ARIH2: variants seen among roughly 807,000 people sequenced by gnomAD.
The protein encoded by ARIH2 is ariadne RBR E3 ubiquitin protein ligase 2, also known as E3 ubiquitin-protein ligase ARIH2.
A neutral mutation model predicts 79.8 loss-of-function variants in ARIH2; 12 were observed. The ratio of observed to expected loss-of-function variants is 0.15; its 90% CI spans 0.10 to 0.24. ARIH2 has a LOEUF of 0.24. ARIH2 is among the 10% of genes least tolerant of loss of function. The pLI is 1.00. For synonymous variants in ARIH2, 224 were observed against 213.9 expected, an observed-to-expected ratio of 1.05 and a Z score of -0.41; for missense variants, 301 against 618.3, an observed-to-expected ratio of 0.49 and a Z score of 5.44.
At chr3:48,930,443 A>C (rs2086214980) in intron 3 of ARIH2, among the ~76,000 whole-genome samples, 1 of 152,092 alleles carries the variant, frequency 6.6e-6, no homozygotes, top group Admixed American at 6.6e-5. Flanking sequence ...GATTGCCCCC[A>C]CTATACTCCA....
intron 3 of ARIH2, among the ~76,000 whole-genome samples, chr3:48,952,650 CGT>C (rs938105758): frequency 2.0e-5 from 3 of 151,948 alleles, no homozygotes; most frequent in African/African-American, 7.3e-5. Context: ...AAGAGTGAGA[CGT>C]GGAGGAAAAG....
chr3:48,959,228 A>G lies in ARIH2; in HGVS notation c.256-2384A>G, dbSNP rs185278037. Among the ~76,000 whole-genome samples, 6 of 149,956 alleles carry G rather than the reference A, an allele frequency of 4.0e-5. No individual in the cohort carries two copies. The East Asian group carries it at 1.2e-3, about 30-fold the overall frequency. On this transcript the variant is annotated intron_variant, in intron 3 of 15. Transcript: ENST00000356401. ...CTACTAGGGAGGCGGAGGCAGGAGAATGGCGTGAACCCGGGAGGTGGAGCT... is the reference window on the plus strand; with the variant it reads ...CTACTAGGGAGGCGGAGGCAGGAGAGTGGCGTGAACCCGGGAGGTGGAGCT...
At chr3:48,979,079 G>C (rs900821684) in intron 11 of ARIH2, among the ~76,000 whole-genome samples, 4 of 152,190 alleles carry the variant, frequency 2.6e-5, no homozygotes, top group Non-Finnish European at 5.9e-5. Flanking sequence ...GTGAGGGTAG[G>C]AAGCAGTAGG....
At chr3:48,970,354 G>C (rs1040851528) in intron 7 of ARIH2, among the ~76,000 whole-genome samples, 1 of 152,142 alleles carries the variant, frequency 6.6e-6, no homozygotes, top group African/African-American at 2.4e-5. Flanking sequence ...ACTATGCCTG[G>C]TGCAATTCTA....
At chr3:48,932,318 A>G (rs1430400370) in intron 3 of ARIH2, among the ~76,000 whole-genome samples, 1 of 152,234 alleles carries the variant, frequency 6.6e-6, no homozygotes, top group Non-Finnish European at 1.5e-5. Flanking sequence ...AATGATTGCC[A>G]AGTGAGGTGT....
At chr3:48,979,889 G>A in intron 12 of ARIH2, 1 of 380,356 alleles carries the variant, frequency 2.6e-6, no homozygotes, top group Non-Finnish European at 4.7e-6. Flanking sequence ...AGGGCCATCA[G>A]ACAGTCTTTT....
intron 11 of ARIH2, chr3:48,975,203 G>T (rs530838069): frequency 3.2e-4 from 213 of 665,220 alleles, no homozygotes; most frequent in African/African-American, 1.1e-3. Flanking sequence ...ATAGTCAGAA[G>T]TCAAGTTTGG....
At position 48,967,179 on chromosome 3, in the gene ARIH2, A is replaced by G. The variant is rs1338452691; in HGVS notation, c.442A>G (p.Lys148Glu). 2 of 1,614,172 alleles carry G rather than the reference A, an allele frequency of 1.2e-6. No individual in the cohort carries two copies. Among genetic ancestry groups the G allele is most frequent in the South Asian group, 2.2e-5 (2 of 91,080 alleles). The change falls in exon 6 of 16, where the codon AAG (lysine) becomes GAG (glutamate). Residue 148 changes from lysine (K) to glutamate (E), a missense_variant. Physicochemically the swap from Lys to Glu is moderately conservative, Grantham distance 56. Transcript: ENST00000356401. The part of the protein sequence containing the change: ...HCAVCMQFVR[K>E]ENLLSLACQH... ...TGCAGTGTGTATGCAGTTTGTGCGA[A>G]AGGAAAACCTACTCTCTCTGGCCTG...
chr3:48,969,201 CTG>C (rs1050361634), intron 7 of ARIH2, among the ~76,000 whole-genome samples: 2 of 146,942 alleles, frequency 1.4e-5, no homozygotes, highest in African/African-American at 5.0e-5. Context: ...TTTTTAACCT[CTG>C]AGTCTTGATT....
At chr3:48,975,566 CTT>C (rs752606580) in intron 11 of ARIH2, among the ~76,000 whole-genome samples, 47 of 142,636 alleles carry the variant, frequency 3.3e-4, no homozygotes, top group Middle Eastern at 3.7e-3. Flanking sequence ...CTGACAGTTT[CTT>C]TTTTTTTTTT....
At chr3:48,949,638 G>A (rs1156325514) in intron 3 of ARIH2, among the ~76,000 whole-genome samples, 1 of 152,072 alleles carries the variant, frequency 6.6e-6, no homozygotes, top group Non-Finnish European at 1.5e-5. Flanking sequence ...CTTTCCTTGT[G>A]CTTATTTGCT....
At chr3:48,945,262 ATGT>A in intron 3 of ARIH2, 1 of 1,229,170 alleles carries the variant, frequency 8.1e-7, no homozygotes, top group Non-Finnish European at 1.1e-6. Context: ...TTTGCAAGCT[ATGT>A]TGTTAACTTG....
chr3:48,940,941 A>G (rs1421493315), intron 3 of ARIH2, among the ~76,000 whole-genome samples: 5 of 151,222 alleles, frequency 3.3e-5, no homozygotes, highest in Non-Finnish European at 7.4e-5. Flanking sequence ...AGGCGGAGGC[A>G]GGCGGATCAC....
rs754818427 is a variant in ARIH2, at chr3:48,918,933, C to A, written c.-227C>A. ...CGCTGCCGCTTCGCCCCAATCCGGT[C>A]CCTCTGGCCCGGCCTGACCCGGTCT... On this transcript the variant is annotated 5_prime_UTR_variant, in exon 1 of 16. Transcript: ENST00000356401. 8.2e-6 allele frequency: 13 copies of A among 1,585,456 alleles called. No homozygotes were observed. Among genetic ancestry groups the A allele is most frequent in the Non-Finnish European group, 1.1e-5 (13 of 1,171,094 alleles).
chr3:48,977,054 T>C (rs981041325), intron 11 of ARIH2, among the ~76,000 whole-genome samples: 6 of 151,518 alleles, frequency 4.0e-5, no homozygotes, highest in Non-Finnish European at 7.4e-5. Flanking sequence ...AATACAAAAT[T>C]AGCCAGGCGC....
intron 3 of ARIH2, among the ~76,000 whole-genome samples, chr3:48,958,744 G>A (rs1457907725): frequency 1.3e-5 from 2 of 151,988 alleles, no homozygotes; most frequent in African/African-American, 4.8e-5. Flanking sequence ...GGACTCAGTG[G>A]CTCACACCTG....
At chr3:48,953,181 C>T (rs1266330078) in intron 3 of ARIH2, among the ~76,000 whole-genome samples, 2 of 152,066 alleles carry the variant, frequency 1.3e-5, no homozygotes, top group African/African-American at 4.8e-5. Context: ...CTGCCCGCCT[C>T]GGCCTCCCAA....
rs754016241 is a variant in ARIH2, at chr3:48,961,638, ATTAG to A, written c.286_289del (p.Val96IlefsTer110). ...TATCTCATTCAGTTGCTAAACTTAT[ATTAG>A]TTAATTTCCACTGGCAAGTTTCAGA... is the stretch of plus-strand genomic sequence containing the variant. On this transcript the variant is annotated frameshift_variant, in exon 4 of 16. Coordinates refer to ENST00000356401, the MANE Select transcript of ARIH2 (RefSeq NM_006321.4). LOFTEE classifies it high-confidence loss of function. 1 of 1,609,912 alleles carries A rather than the reference ATTAG, an allele frequency of 6.2e-7. No individual in the cohort carries two copies. Among genetic ancestry groups the A allele is most frequent in the African/African-American group, 1.3e-5 (1 of 74,948 alleles).
Position 48,969,279 on chromosome 3 carries a change from C to A in ARIH2, c.660+624C>A, listed in dbSNP as rs1653183401. Among the ~76,000 whole-genome samples the A allele has an allele frequency of 2.6e-5, 4 of 151,384 alleles. No homozygotes were observed. The Admixed American group carries it at 2.6e-4, about 10-fold the overall frequency. On this transcript the variant is annotated intron_variant, in intron 7 of 15. Transcript: ENST00000356401. Reference sequence around the variant, plus strand: ...GCTTAAAGAAGCTATTGTGTGTCAGCAGGTGAATACAAATTAGGCATATTT... The same window carrying A: ...GCTTAAAGAAGCTATTGTGTGTCAGAAGGTGAATACAAATTAGGCATATTT...
Sources: gnomAD v4.1 joint callset for allele counts (sites outside exome capture counted in the v4.1 genomes callset) on GRCh38, gnomAD v4.1.1 for gene constraint, MANE v1.5 for transcripts, NCBI Gene and HGNC (gene_info 2026-07-23, HGNC 2026-07-21) for gene names.